The following INPP4A variants were observed in gnomAD, a reference collection of about 807,000 sequenced individuals.
The protein encoded by INPP4A is inositol polyphosphate-4-phosphatase, type I, 107kD.
INPP4A carries 33 observed loss-of-function variants against 119.8 expected under a neutral mutation model. That is an observed-to-expected ratio of 0.28 (90% CI 0.21 to 0.37). The LOEUF is 0.37. Ranked by LOEUF, INPP4A falls within the 10% of genes least tolerant of loss-of-function variation. The pLI is 1.00. For synonymous variants in INPP4A, 496 were observed against 500.7 expected, an observed-to-expected ratio of 0.99 and a Z score of 0.12; for missense variants, 956 against 1,289.9, an observed-to-expected ratio of 0.74 and a Z score of 3.97.
At chr2:98,565,883 A>G in intron 20 of INPP4A, 117 bp downstream of exon 20, 2 of 1,518,548 alleles carry the variant, frequency 1.3e-6, no homozygotes, top group South Asian at 1.2e-5. Context: ...TGCTCTGATT[A>G]CAGCCCCCTA....
intron 1 of INPP4A, among the ~76,000 whole-genome samples, chr2:98,508,787 C>T (rs1366256934): frequency 1.3e-5 from 2 of 152,230 alleles, no homozygotes; most frequent in Non-Finnish European, 2.9e-5. Flanking sequence ...GCTCCTGGTG[C>T]ACGCTGACTG....
chr2:98,546,491 A>G lies in INPP4A; in HGVS notation c.1055-95A>G. The stretch of plus-strand genomic sequence containing the variant: ...CAAAGGCTGTACAGCAGTGGGCTGG[A>G]GGGTCAGGACCCCAGACTTGTGTGC... On this transcript the variant is annotated intron_variant, in intron 12 of 24. Transcript: ENST00000409851. This position sits in a 1 kb window ranked among gnomAD's most constrained non-coding sequence, Gnocchi z 4.2. 2 of 802,682 alleles carry G rather than the reference A, an allele frequency of 2.5e-6. No homozygotes were observed. The highest frequency in any genetic ancestry group is 4.1e-6 in the Non-Finnish European group (2 of 487,178). The allele number at this position is 802,682 out of a possible 1,614,324, so 49.7% of individuals were successfully genotyped here.
intron 1 of INPP4A, among the ~76,000 whole-genome samples, chr2:98,484,972 C>T (rs75140229): frequency 0.012 from 1,757 of 150,576 alleles, 12 homozygotes; most frequent in Non-Finnish European, 0.018. Context: ...TGTCTGAGAT[C>T]CCACCGAGAG....
At position 98,591,176 on chromosome 2, in the gene INPP4A, A is replaced by G. The variant is rs1700382345; in HGVS notation, c.*3568A>G. ...TCTGAAATGGAGTCCTGGCTTCACCATGGAAGGTGGGACATATGGGACAGC... is the reference window on the plus strand; with the variant it reads ...TCTGAAATGGAGTCCTGGCTTCACCGTGGAAGGTGGGACATATGGGACAGC... On this transcript the variant is annotated 3_prime_UTR_variant, in exon 25 of 25. Coordinates refer to ENST00000409851, the MANE Select transcript of INPP4A (RefSeq NM_001134225.2). 1 of 179,680 alleles carries G rather than the reference A, an allele frequency of 5.6e-6. No individual in the cohort carries two copies. 11.1% of individuals were successfully genotyped at this position (179,680 alleles called of 1,614,324 possible).
At chr2:98,579,772 C>T (rs892293162) in intron 24 of INPP4A, among the ~76,000 whole-genome samples, 1 of 152,252 alleles carries the variant, frequency 6.6e-6, no homozygotes, top group Non-Finnish European at 1.5e-5. Context: ...ACCCCTGCCT[C>T]CAATCATGGA....
intron 1 of INPP4A, among the ~76,000 whole-genome samples, chr2:98,457,979 T>A (rs12622995): frequency 0.24 from 28,368 of 118,126 alleles, 1,843 homozygotes; most frequent in East Asian, 0.32. Flanking sequence ...TAAACAAAAA[T>A]TTTTTTTTTT....
intron 1 of INPP4A, among the ~76,000 whole-genome samples, chr2:98,494,880 G>C (rs1032459148): frequency 2.0e-5 from 3 of 152,208 alleles, no homozygotes; most frequent in African/African-American, 7.2e-5. Flanking sequence ...TAACAGCTGG[G>C]TATGAAAACA....
Position 98,520,042 on chromosome 2 carries a change from T to C in INPP4A, c.-7T>C. ...GGATCAAGAAGCACATCATCACCAA[T>C]GACATCATGACAGCAAGAGAGCACA... On this transcript the variant is annotated 5_prime_UTR_variant, in exon 3 of 25. An upstream start codon of the reference 5' UTR is lost. Coordinates refer to ENST00000409851, the MANE Select transcript of INPP4A (RefSeq NM_001134225.2). 3 of 1,573,182 alleles carry C rather than the reference T, an allele frequency of 1.9e-6. No homozygotes were observed. Among genetic ancestry groups the C allele is most frequent in the Non-Finnish European group, 2.6e-6 (3 of 1,157,202 alleles).
rs1254165340 is a variant in INPP4A at position 98,594,320 on chromosome 2, T to TAAC, written c.*6714_*6716dup. 4 of 152,242 alleles carry TAAC rather than the reference T, an allele frequency of 2.6e-5. No individual in the cohort carries two copies. The highest frequency in any genetic ancestry group is 5.9e-5 in the Non-Finnish European group (4 of 68,046). 9.4% of individuals were successfully genotyped at this position (152,242 alleles called of 1,614,324 possible). A position where few individuals can be genotyped will look rare whatever the true frequency, so the allele number is the denominator to read the frequency against. On this transcript the variant is annotated 3_prime_UTR_variant, in exon 25 of 25. Transcript: ENST00000409851. ...GTTACATGACAGATTACTTTGTTCTTAACATACGAACATCCTATTCACTTT... is the reference window on the plus strand; with the variant it reads ...GTTACATGACAGATTACTTTGTTCTTAACAACATACGAACATCCTATTCACTTT...
chr2:98,586,360 A>G (rs1009218767), intron 24 of INPP4A, among the ~76,000 whole-genome samples: 1 of 152,008 alleles, frequency 6.6e-6, no homozygotes, highest in African/African-American at 2.4e-5. Flanking sequence ...AATGCGTGAC[A>G]TAATGGTCTT....
rs1693797111 is a variant in INPP4A, at chr2:98,552,956, T to C, written c.1334T>C (p.Ile445Thr). 3.7e-6 allele frequency: 6 copies of C among 1,610,900 alleles called. No homozygotes were observed. The East Asian group carries it at 1.3e-4, about 36-fold the overall frequency. Reference protein sequence around the residue: ...SATGLERTLAILADKTRQLVT... With the variant: ...SATGLERTLATLADKTRQLVT... ...ACTGGCCTTGAGAGGACACTCGCCA[T>C]CTTGGCAGACAAGGTAGGAGGGGTG... Residue 445 changes from isoleucine (I) to threonine (T), a missense_variant, in exon 14 of 25, where the codon ATC becomes ACC. Ile to Thr is a moderately conservative substitution (Grantham distance 89). Around this residue, in one of 2 missense-constraint regions of INPP4A, gnomAD observed 652 missense variants for 797.9 expected, o/e 0.82. Transcript: ENST00000409851.
At chr2:98,491,986 C>G (rs1680898433) in intron 1 of INPP4A, among the ~76,000 whole-genome samples, 1 of 152,028 alleles carries the variant, frequency 6.6e-6, no homozygotes, top group Non-Finnish European at 1.5e-5. Flanking sequence ...GCCCCCTGGG[C>G]TCAAGTGATT....
chr2:98,584,226 G>T (rs1699694301), intron 24 of INPP4A, among the ~76,000 whole-genome samples: 1 of 152,254 alleles, frequency 6.6e-6, no homozygotes, highest in African/African-American at 2.4e-5. Flanking sequence ...CTTCAACTAA[G>T]ACCATCTTGT....
At chr2:98,463,796 G>T (rs192577782) in intron 1 of INPP4A, among the ~76,000 whole-genome samples, 1 of 152,220 alleles carries the variant, frequency 6.6e-6, no homozygotes. Context: ...TCAAGTGAAG[G>T]TCTGGTAGGT....
chr2:98,524,948 A>G (rs541530725), intron 4 of INPP4A, among the ~76,000 whole-genome samples: 1 of 152,298 alleles, frequency 6.6e-6, no homozygotes, highest in Admixed American at 6.5e-5. Flanking sequence ...AGCAATATAA[A>G]TGTATTATCT....
rs149739356 is a variant in INPP4A, at chr2:98,536,869, G to A, written c.467+661G>A. On this transcript the variant is annotated intron_variant, in intron 7 of 24. Coordinates refer to ENST00000409851, the MANE Select transcript of INPP4A (RefSeq NM_001134225.2). ...ACTATAAGTAAAGACAGTATTGCAG[G>A]CATTGGCTGTCTAATCAGTGGACAG... Among the ~76,000 whole-genome samples, 7 of 152,324 alleles carry A rather than the reference G, an allele frequency of 4.6e-5. No individual in the cohort carries two copies. In the East Asian group the frequency reaches 1.3e-3, roughly 29 times the overall value.
At chr2:98,519,079 AGGGTGT>A (rs1338245047) in intron 2 of INPP4A, 54 bp downstream of exon 2, 2 of 152,284 alleles carry the variant, frequency 1.3e-5, no homozygotes, top group African/African-American at 4.8e-5. Context: ...CTTCAGGCAC[AGGGTGT>A]GGACACCCTT....
Position 98,590,698 on chromosome 2 carries a change from C to T in INPP4A, c.*3090C>T, listed in dbSNP as rs1051238453. On this transcript the variant is annotated 3_prime_UTR_variant, in exon 25 of 25. Coordinates refer to ENST00000409851, the MANE Select transcript of INPP4A (RefSeq NM_001134225.2). ...AGGACTGCATCTTGCACCACTGTGCCGTCTTCTAGGCACACACGACCCGTT... is the reference window on the plus strand; with the variant it reads ...AGGACTGCATCTTGCACCACTGTGCTGTCTTCTAGGCACACACGACCCGTT... 8 of 216,642 alleles carry T rather than the reference C, an allele frequency of 3.7e-5. No individual in the cohort carries two copies. Among genetic ancestry groups the T allele is most frequent in the African/African-American group, 1.8e-4 (8 of 44,372 alleles). The allele number at this position is 216,642 out of a possible 1,614,324, so 13.4% of individuals were successfully genotyped here.
intron 1 of INPP4A, among the ~76,000 whole-genome samples, chr2:98,500,645 T>C (rs566466778): frequency 6.6e-6 from 1 of 152,070 alleles, no homozygotes; most frequent in South Asian, 2.1e-4. Context: ...GGGAACTTAC[T>C]AAGAGGAAAC....
Sources: allele counts gnomAD v4.1 joint callset (sites outside exome capture counted in the v4.1 genomes callset), GRCh38; gene constraint gnomAD v4.1.1; regional missense constraint gnomAD v4.1.1; non-coding constraint Gnocchi (gnomAD v3.1); transcripts MANE v1.5; gene names NCBI Gene and HGNC (gene_info 2026-07-23, HGNC 2026-07-21).